The following NTM variants were observed in gnomAD, a reference collection of about 807,000 sequenced individuals.
NTM encodes the protein neurotrimin.
In NTM, 13 loss-of-function variants were observed where a neutral mutation model predicts 42.1. The ratio of observed to expected loss-of-function variants is 0.31; its 90% CI spans 0.20 to 0.49. The LOEUF is 0.49. NTM is among the 20% of genes least tolerant of loss of function. The probability of loss-of-function intolerance (pLI) is 0.99; values close to 1 mark genes in which losing one functional copy is unlikely to be tolerated. For missense variants in NTM, 373 were observed against 452.8 expected, an observed-to-expected ratio of 0.82 and a Z score of 1.60; for synonymous variants, 187 against 179.2, an observed-to-expected ratio of 1.04 and a Z score of -0.35.
intron 4 of NTM, among the ~76,000 whole-genome samples, chr11:132,222,572 A>C (rs1174540512): frequency 1.3e-5 from 2 of 152,188 alleles, no homozygotes; most frequent in African/African-American, 4.8e-5. Flanking sequence ...GGGATTGAGC[A>C]GAGCATCATT....
intron 2 of NTM, among the ~76,000 whole-genome samples, chr11:131,965,988 A>T (rs544496739): frequency 2.0e-5 from 3 of 151,334 alleles, no homozygotes; most frequent in Non-Finnish European, 2.9e-5. Context: ...GAAAGGAAAC[A>T]TGAGAGGGAA....
At chr11:132,226,182 G>A (rs1018882168) in intron 4 of NTM, among the ~76,000 whole-genome samples, 3 of 152,192 alleles carry the variant, frequency 2.0e-5, no homozygotes, top group African/African-American at 7.2e-5. Context: ...ACAAGTGCAT[G>A]TGTCTTTATA....
intron 1 of NTM, among the ~76,000 whole-genome samples, chr11:131,488,584 G>A (rs961157219): frequency 2.6e-5 from 4 of 152,168 alleles, no homozygotes; most frequent in Non-Finnish European, 2.9e-5. Context: ...TCCACTTCAC[G>A]ATGGCAAGTG....
intron 1 of NTM, among the ~76,000 whole-genome samples, chr11:131,696,477 C>T (rs1297018771): frequency 1.3e-5 from 2 of 152,188 alleles, no homozygotes; most frequent in African/African-American, 4.8e-5. Flanking sequence ...TCAGACCACA[C>T]AACATTGTGT....
At chr11:131,914,434 T>C (rs1184491929) in intron 2 of NTM, among the ~76,000 whole-genome samples, 2 of 152,092 alleles carry the variant, frequency 1.3e-5, no homozygotes, top group Non-Finnish European at 2.9e-5. Flanking sequence ...CTATGGGTGA[T>C]TGGGTGATGA....
chr11:131,653,012 C>T (rs1193772285), intron 1 of NTM, among the ~76,000 whole-genome samples: 1 of 152,198 alleles, frequency 6.6e-6, no homozygotes, highest in Non-Finnish European at 1.5e-5. Flanking sequence ...CCACCGATCA[C>T]AGACTGTAGC....
intron 1 of NTM, among the ~76,000 whole-genome samples, chr11:131,826,305 GGAA>G (rs779645489): frequency 6.6e-6 from 1 of 152,160 alleles, no homozygotes; most frequent in East Asian, 1.9e-4. Flanking sequence ...GGCAGAAGAG[GGAA>G]GAAGAAGGAA....
intron 1 of NTM, chr11:131,539,136 T>C (rs2052776363): frequency 6.6e-6 from 1 of 151,996 alleles, no homozygotes; most frequent in Non-Finnish European, 1.5e-5. Flanking sequence ...GAGATGACGT[T>C]CTACAATGTT....
rs1295440951 is a variant in NTM at position 131,619,816 on chromosome 11, CTT to C, written c.82+248942_82+248943del. ...GGTAACATCTACCGCTAAACATCTT[CTT>C]TTTTTTTTTTTTTCCTTGCTCTGTC... On this transcript the variant is annotated intron_variant, in intron 1 of 8. Coordinates refer to ENST00000683400, the MANE Select transcript of NTM (RefSeq NM_001352005.2). Among the ~76,000 whole-genome samples, 387 of 142,598 alleles carry C rather than the reference CTT, an allele frequency of 2.7e-3. 5 individuals are homozygous for C. Among genetic ancestry groups the C allele is most frequent in the African/African-American group, 9.3e-3 (364 of 39,130 alleles). 93.5% of individuals were successfully genotyped at this position (142,598 alleles called of 152,430 possible). A position where few individuals can be genotyped will look rare whatever the true frequency, so the allele number is the denominator to read the frequency against.
intron 2 of NTM, among the ~76,000 whole-genome samples, chr11:131,955,681 G>C (rs969758454): frequency 6.6e-6 from 1 of 151,924 alleles, no homozygotes; most frequent in Non-Finnish European, 1.5e-5. Flanking sequence ...AAGGACCCAT[G>C]TCCCTCCCAC....
intron 1 of NTM, among the ~76,000 whole-genome samples, chr11:131,433,272 C>A (rs1364526324): frequency 6.6e-6 from 1 of 152,096 alleles, no homozygotes; most frequent in South Asian, 2.1e-4. Context: ...AATATTAATG[C>A]AAATAAAACC....
chr11:131,923,949 T>A (rs1174169862), intron 2 of NTM, among the ~76,000 whole-genome samples: 1 of 152,226 alleles, frequency 6.6e-6, no homozygotes, highest in Non-Finnish European at 1.5e-5. Flanking sequence ...TTGAAGGGAC[T>A]AATAATAGGG....
intron 4 of NTM, among the ~76,000 whole-genome samples, chr11:132,292,419 C>G (rs1246071570): frequency 6.6e-6 from 1 of 152,134 alleles, no homozygotes; most frequent in Non-Finnish European, 1.5e-5. Flanking sequence ...CCCTCCCCCA[C>G]CTCAGTGGAG....
At chr11:131,513,631 T>A (rs963121096) in intron 1 of NTM, among the ~76,000 whole-genome samples, 1 of 152,216 alleles carries the variant, frequency 6.6e-6, no homozygotes, top group Non-Finnish European at 1.5e-5. Context: ...CGCTTTGAAC[T>A]TTTTTAGGCT....
chr11:131,768,606 G>A (rs1309671579), intron 1 of NTM, among the ~76,000 whole-genome samples: 1 of 152,186 alleles, frequency 6.6e-6, no homozygotes, highest in Non-Finnish European at 1.5e-5. Flanking sequence ...TAAACAAACA[G>A]CTAAAGTCAA....
At chr11:131,454,960 G>C (rs577742135) in intron 1 of NTM, among the ~76,000 whole-genome samples, 2 of 152,264 alleles carry the variant, frequency 1.3e-5, no homozygotes, top group East Asian at 1.9e-4. Context: ...TCTATAGGGA[G>C]GGGGGAAGAC....
chr11:131,469,118 A>C (rs548348493), intron 1 of NTM, among the ~76,000 whole-genome samples: 12 of 152,078 alleles, frequency 7.9e-5, no homozygotes, highest in Non-Finnish European at 1.2e-4. Flanking sequence ...GCTCCGTTTC[A>C]TCCTTTCCCT....
At chr11:131,696,167 C>A (rs757042123) in intron 1 of NTM, among the ~76,000 whole-genome samples, 3 of 152,080 alleles carry the variant, frequency 2.0e-5, no homozygotes, top group Non-Finnish European at 2.9e-5. Context: ...TCGGAGAGAA[C>A]AAATGTCCTT....
chr11:132,209,060 G>A (rs1419569712), intron 3 of NTM, among the ~76,000 whole-genome samples: 1 of 152,112 alleles, frequency 6.6e-6, no homozygotes, highest in Non-Finnish European at 1.5e-5. Context: ...GGTGGCTGGT[G>A]CATGAGATGG....
Sources: gnomAD v4.1 joint callset for allele counts (sites outside exome capture counted in the v4.1 genomes callset) on GRCh38, gnomAD v4.1.1 for gene constraint, MANE v1.5 for transcripts, NCBI Gene and HGNC (gene_info 2026-07-23, HGNC 2026-07-21) for gene names.